The following ZNF532 variants were observed in gnomAD, a reference collection of about 807,000 sequenced individuals.
ZNF532 encodes zinc finger protein 532.
Under a neutral mutation model 89.3 loss-of-function variants are expected in ZNF532, and 22 were observed. That is an observed-to-expected ratio of 0.25 (90% CI 0.18 to 0.35). ZNF532 has a LOEUF of 0.35. ZNF532 is among the 10% of genes least tolerant of loss of function. The pLI is 1.00. For missense variants in ZNF532, 1,132 were observed against 1,643.4 expected, an observed-to-expected ratio of 0.69 and a Z score of 5.38; for synonymous variants, 606 against 649.6, an observed-to-expected ratio of 0.93 and a Z score of 1.02.
upstream of ZNF532, chr18:58,863,178 C>G (rs956735831): frequency 5.9e-5 from 9 of 152,240 alleles, no homozygotes; most frequent in African/African-American, 2.2e-4. Context: ...TAAGTCGCGG[C>G]TTGGGGCCAC....
intron 2 of ZNF532, among the ~76,000 whole-genome samples, chr18:58,917,784 G>A (rs2146034824): frequency 6.6e-6 from 1 of 151,868 alleles, no homozygotes; most frequent in Middle Eastern, 3.4e-3. Context: ...TCTTTCTTCT[G>A]TGGATGAATA....
chr18:58,981,865 G>A lies in ZNF532; in HGVS notation c.3411+248G>A, dbSNP rs147728286. ...TAAAAATATAAAAAATTAGCTTGGCGTGGTGGCGGGCTCCTGTAATCCCAG... is the reference window on the plus strand; with the variant it reads ...TAAAAATATAAAAAATTAGCTTGGCATGGTGGCGGGCTCCTGTAATCCCAG... On this transcript the variant is annotated intron_variant, in intron 9 of 9. Coordinates refer to ENST00000591808, the MANE Select transcript of ZNF532 (RefSeq NM_001375912.1). 9.3e-4 allele frequency among the ~76,000 whole-genome samples: 141 copies of A among 151,232 alleles called. 1 individual carries two copies. The East Asian group carries it at 0.023, about 25-fold the overall frequency.
At chr18:58,888,810 A>T (rs144302422) in intron 2 of ZNF532, among the ~76,000 whole-genome samples, 1,901 of 11,638 alleles carry the variant, frequency 0.16, 234 homozygotes, top group Non-Finnish European at 0.21. Flanking sequence ...TATATATATA[A>T]AAAATTATAT....
chr18:58,880,779 T>C (rs1002157274), intron 2 of ZNF532, among the ~76,000 whole-genome samples: 3 of 151,308 alleles, frequency 2.0e-5, no homozygotes, highest in African/African-American at 7.3e-5. Flanking sequence ...CGCGTCTGTG[T>C]GTGTGTGTGT....
intron 2 of ZNF532, among the ~76,000 whole-genome samples, chr18:58,892,719 G>A (rs12454263): frequency 3.9e-5 from 6 of 152,218 alleles, no homozygotes; most frequent in South Asian, 2.1e-4. Flanking sequence ...AGCAATGTTC[G>A]TGTAGAGATT....
chr18:58,892,982 C>CT (rs58108717), intron 2 of ZNF532, among the ~76,000 whole-genome samples: 31,486 of 135,232 alleles, frequency 0.23, 5,812 homozygotes, highest in East Asian at 0.59. Context: ...TTTGTACTTT[C>CT]TTTTTTTTTT....
At chr18:58,959,506 C>T (rs2065143238) in intron 7 of ZNF532, among the ~76,000 whole-genome samples, 1 of 152,046 alleles carries the variant, frequency 6.6e-6, no homozygotes, top group African/African-American at 2.4e-5. Flanking sequence ...TCTACCTCGG[C>T]CTCCCAAAGT....
chr18:58,982,207 G>C (rs1056781539), intron 9 of ZNF532, among the ~76,000 whole-genome samples: 1 of 152,118 alleles, frequency 6.6e-6, no homozygotes, highest in Non-Finnish European at 1.5e-5. Context: ...GGGAGGCTGA[G>C]GCAGGAGAAT....
chr18:58,949,941 T>C (rs1486341641), intron 6 of ZNF532, among the ~76,000 whole-genome samples: 2 of 152,212 alleles, frequency 1.3e-5, no homozygotes, highest in African/African-American at 4.8e-5. Flanking sequence ...ATCATTCTCA[T>C]TTGAAGTACA....
At chr18:58,866,237 A>G (rs1180523704) in intron 2 of ZNF532, among the ~76,000 whole-genome samples, 1 of 152,184 alleles carries the variant, frequency 6.6e-6, no homozygotes, top group Non-Finnish European at 1.5e-5. Flanking sequence ...TCAAAGCTGT[A>G]CTGGAATGGG....
chr18:58,908,372 A>C (rs2060069493), intron 2 of ZNF532, among the ~76,000 whole-genome samples: 1 of 152,218 alleles, frequency 6.6e-6, no homozygotes, highest in African/African-American at 2.4e-5. Context: ...CTGTATGGAT[A>C]GGCTTTGTAT....
chr18:58,962,224 TA>T (rs756921719), intron 7 of ZNF532, among the ~76,000 whole-genome samples: 359 of 139,072 alleles, frequency 2.6e-3, no homozygotes, highest in Non-Finnish European at 2.8e-3. Context: ...AGACTCTGTC[TA>T]AAAAAAAAAA....
rs77308563 is a variant in ZNF532, at chr18:58,981,603, A to G, written c.3397A>G (p.Lys1133Glu). 2,822 of 1,614,172 alleles carry G rather than the reference A, an allele frequency of 1.7e-3. 7 individuals carry two copies. The highest frequency in any genetic ancestry group is 2.0e-3 in the Non-Finnish European group (2,401 of 1,180,002). The change falls in exon 9 of 10, where the codon AAA (lysine) becomes GAA (glutamate). Residue 1133 changes from lysine to glutamate, a missense_variant. This residue lies in a region of ZNF532 where 415 missense variants were observed against 604.8 expected (regional missense o/e 0.69). Transcript: ENST00000591808. ...CACCAATGAGGAGGAAACAGAAATAAAAGAAGACACTAAGGTCTAACATTG... is the reference window on the plus strand; with the variant it reads ...CACCAATGAGGAGGAAACAGAAATAGAAGAAGACACTAAGGTCTAACATTG... Reference protein sequence around the residue: ...DATNEEETEIKEDTKVPSPKR... With the variant: ...DATNEEETEIEEDTKVPSPKR...
intron 6 of ZNF532, among the ~76,000 whole-genome samples, chr18:58,948,866 C>G (rs1316141692): frequency 6.6e-6 from 1 of 152,102 alleles, no homozygotes; most frequent in Non-Finnish European, 1.5e-5. Context: ...CGAAGTTTTT[C>G]TTTTCTTGAG....
chr18:58,925,196 T>C (rs1038937055), intron 3 of ZNF532, among the ~76,000 whole-genome samples: 1 of 152,178 alleles, frequency 6.6e-6, no homozygotes, highest in Admixed American at 6.5e-5. Flanking sequence ...TCTTAAACTG[T>C]TTTTCAGAGT....
chr18:58,893,568 G>A (rs997861913), intron 2 of ZNF532, among the ~76,000 whole-genome samples: 2 of 150,892 alleles, frequency 1.3e-5, no homozygotes, highest in Middle Eastern at 3.4e-3. Flanking sequence ...AGGTGGGGAG[G>A]ATCGCTTGAG....
At chr18:58,863,486 C>G (rs1358156132), upstream of ZNF532, 1 of 134,588 alleles carries the variant, frequency 7.4e-6, no homozygotes, top group East Asian at 2.0e-4. Flanking sequence ...CCCTTTTGTT[C>G]GCTCGCCGCC....
intron 3 of ZNF532, among the ~76,000 whole-genome samples, chr18:58,927,405 C>T (rs1310558810): frequency 1.3e-5 from 2 of 151,316 alleles, no homozygotes; most frequent in Non-Finnish European, 2.9e-5. Flanking sequence ...CCTAGGCACT[C>T]GTTTCTTGGT....
At position 58,984,007 on chromosome 18, in the gene ZNF532, T is replaced by TC; in HGVS notation, c.3448dup (p.Leu1150ProfsTer23). 6.2e-7 allele frequency: 1 copy of TC among 1,611,642 alleles called. No individual in the cohort carries two copies. Among genetic ancestry groups the TC allele is most frequent in the Non-Finnish European group, 8.5e-7 (1 of 1,179,750 alleles). On this transcript the variant is annotated frameshift_variant, in exon 10 of 10. Coordinates refer to ENST00000591808, the MANE Select transcript of ZNF532 (RefSeq NM_001375912.1). LOFTEE classifies it high-confidence loss of function. ...CCAAGCGGAAGTTGGAAGAACCAGT[T>TC]CTGGAGTTCAGGCCTCCCCGAGGAG... is the stretch of plus-strand genomic sequence containing the variant.
Sources: gnomAD v4.1 joint callset for allele counts (sites outside exome capture counted in the v4.1 genomes callset) on GRCh38, gnomAD v4.1.1 for gene constraint, gnomAD v4.1.1 regional missense constraint, MANE v1.5 for transcripts, NCBI Gene and HGNC (gene_info 2026-07-23, HGNC 2026-07-21) for gene names.